RSRC1: variants seen among roughly 807,000 people sequenced by gnomAD.
RSRC1 encodes arginine and serine rich coiled-coil 1, also known as serine/Arginine-related protein 53.
In RSRC1, 39 loss-of-function variants were observed where a neutral mutation model predicts 49.1. The observed-to-expected ratio is 0.79, with a 90% CI of 0.61 to 1.04. RSRC1 has a LOEUF of 1.04. Among genes scored for constraint, RSRC1 ranks in the 50% least tolerant of loss-of-function variants. The pLI, the probability that RSRC1 is intolerant of heterozygous loss-of-function variation, is 0.00. For missense variants in RSRC1, 388 were observed against 402.4 expected (o/e 0.96, Z 0.31); for synonymous variants, 143 against 130.8 (o/e 1.09, Z -0.63).
intron 6 of RSRC1, among the ~76,000 whole-genome samples, chr3:158,438,842 T>C (rs1489011894): frequency 2.0e-5 from 3 of 150,774 alleles, no homozygotes; most frequent in East Asian, 3.9e-4. Context: ...ACTAAAGAGC[T>C]TCTGCACAGC....
intron 4 of RSRC1, among the ~76,000 whole-genome samples, chr3:158,224,161 A>G (rs899195827): frequency 1.3e-5 from 2 of 151,836 alleles, no homozygotes; most frequent in Non-Finnish European, 2.9e-5. Context: ...AATGAATTTA[A>G]TGACTAAATA....
chr3:158,485,999 A>G (rs752773100), intron 7 of RSRC1, among the ~76,000 whole-genome samples: 24 of 152,190 alleles, frequency 1.6e-4, no homozygotes, highest in Non-Finnish European at 3.2e-4. Context: ...AAAAATCATA[A>G]CGTTCATTCA....
intron 5 of RSRC1, among the ~76,000 whole-genome samples, chr3:158,348,795 C>T (rs1730706410): frequency 6.6e-6 from 1 of 152,028 alleles, no homozygotes. Context: ...TCCATGTATA[C>T]CATTTGTGTA....
At chr3:158,111,188 TG>T (rs1165472264) in intron 1 of RSRC1, among the ~76,000 whole-genome samples, 2 of 152,338 alleles carry the variant, frequency 1.3e-5, no homozygotes, top group African/African-American at 4.8e-5. Context: ...GTGTGACAGT[TG>T]CAACCTTGGG....
chr3:158,246,163 C>T (rs1026068158), intron 4 of RSRC1, among the ~76,000 whole-genome samples: 4 of 151,178 alleles, frequency 2.6e-5, no homozygotes, highest in Admixed American at 1.3e-4. Flanking sequence ...AACCAAACAC[C>T]GCATGCTCTC....
At chr3:158,198,439 A>AC (rs1311142739) in intron 3 of RSRC1, among the ~76,000 whole-genome samples, 14 of 151,818 alleles carry the variant, frequency 9.2e-5, no homozygotes, top group Admixed American at 2.6e-4. Context: ...TCTGGACTCT[A>AC]CCCACCTTGC....
intron 6 of RSRC1, among the ~76,000 whole-genome samples, chr3:158,424,826 G>A (rs1289075580): frequency 1.3e-5 from 2 of 152,118 alleles, no homozygotes; most frequent in African/African-American, 4.8e-5. Flanking sequence ...ATGTGTCAAG[G>A]AATTTATCCA....
At chr3:158,320,350 A>G (rs571496786) in intron 5 of RSRC1, among the ~76,000 whole-genome samples, 16 of 152,200 alleles carry the variant, frequency 1.1e-4, no homozygotes, top group Non-Finnish European at 2.1e-4. Flanking sequence ...TCTTATCTGA[A>G]TACTTGTTAC....
intron 7 of RSRC1, among the ~76,000 whole-genome samples, chr3:158,493,867 T>C (rs568755371): frequency 1.3e-5 from 2 of 152,306 alleles, no homozygotes; most frequent in African/African-American, 4.8e-5. Context: ...CTAAATTAGG[T>C]TCCAGTTAGT....
chr3:158,448,495 G>T (rs765672348), intron 6 of RSRC1, among the ~76,000 whole-genome samples: 4 of 151,688 alleles, frequency 2.6e-5, no homozygotes, highest in Non-Finnish European at 5.9e-5. Context: ...AAGACCTTAC[G>T]CATTTAAAAA....
chr3:158,534,670 T>C (rs1712616858), intron 7 of RSRC1, among the ~76,000 whole-genome samples: 1 of 151,576 alleles, frequency 6.6e-6, no homozygotes, highest in Non-Finnish European at 1.5e-5. Context: ...TTATTAAAGC[T>C]GTAACTGTGA....
intron 1 of RSRC1, among the ~76,000 whole-genome samples, chr3:158,115,590 A>G (rs1280317338): frequency 6.6e-6 from 1 of 152,202 alleles, no homozygotes; most frequent in Non-Finnish European, 1.5e-5. Flanking sequence ...AATAAACCCA[A>G]AATATGGTAA....
intron 3 of RSRC1, among the ~76,000 whole-genome samples, chr3:158,188,749 C>T (rs541538374): frequency 2.5e-4 from 38 of 151,904 alleles, no homozygotes; most frequent in African/African-American, 8.7e-4. Flanking sequence ...AAATCATTTC[C>T]ATGAAGAGTT....
intron 6 of RSRC1, among the ~76,000 whole-genome samples, chr3:158,375,836 G>A (rs1732326563): frequency 6.6e-6 from 1 of 152,070 alleles, no homozygotes; most frequent in South Asian, 2.1e-4. Context: ...AAAACAATTA[G>A]AATGTTTAGT....
At chr3:158,470,361 C>CATATATATATAT (rs59508977) in intron 7 of RSRC1, among the ~76,000 whole-genome samples, 2 of 100,306 alleles carry the variant, frequency 2.0e-5, no homozygotes, top group African/African-American at 6.6e-5. Context: ...CACACACACA[C>CATATATATATAT]ATATATATAT....
intron 5 of RSRC1, among the ~76,000 whole-genome samples, chr3:158,327,283 A>G (rs539145419): frequency 8.6e-5 from 13 of 151,614 alleles, no homozygotes; most frequent in Non-Finnish European, 1.5e-4. Context: ...TAGGTTTTGA[A>G]TGTTTGCTCT....
intron 6 of RSRC1, among the ~76,000 whole-genome samples, chr3:158,385,784 T>C (rs1345783702): frequency 6.6e-6 from 1 of 152,186 alleles, no homozygotes; most frequent in Non-Finnish European, 1.5e-5. Context: ...ATAGCCATTA[T>C]TCATTCACGA....
chr3:158,232,699 G>A lies in RSRC1; in HGVS notation c.494+29454G>A, dbSNP rs193126608. Reference sequence around the variant, plus strand: ...TTTTAGCCTATGTCTGGGGAGCACGGCATAATTTTAGATAATCTTGCCCTC... The same window carrying A: ...TTTTAGCCTATGTCTGGGGAGCACGACATAATTTTAGATAATCTTGCCCTC... On this transcript the variant is annotated intron_variant, in intron 4 of 9. Coordinates refer to ENST00000611884, the MANE Select transcript of RSRC1 (RefSeq NM_001271838.2). Among the ~76,000 whole-genome samples the A allele has an allele frequency of 4.1e-3, 628 of 152,128 alleles. 4 individuals are homozygous for A. The highest frequency in any genetic ancestry group is 0.014 in the African/African-American group (591 of 41,534).
chr3:158,377,826 A>G (rs1732458225), intron 6 of RSRC1, among the ~76,000 whole-genome samples: 1 of 151,672 alleles, frequency 6.6e-6, no homozygotes, highest in Admixed American at 6.6e-5. Flanking sequence ...CACCCTGCTA[A>G]TTTTTTGTAT....
Sources: allele counts gnomAD v4.1 joint callset (sites outside exome capture counted in the v4.1 genomes callset), GRCh38; gene constraint gnomAD v4.1.1; transcripts MANE v1.5; gene names NCBI Gene and HGNC (gene_info 2026-07-23, HGNC 2026-07-21).